The following TTN variants were observed in gnomAD, a reference collection of about 807,000 sequenced individuals.
The protein encoded by TTN is titin.
Under a neutral mutation model 3,223.0 loss-of-function variants are expected in TTN, and 1,525 were observed. The observed-to-expected ratio is 0.47, with a 90% confidence interval of 0.45 to 0.49. TTN has a LOEUF of 0.49. Ranked by LOEUF, TTN falls within the 20% of genes least tolerant of loss-of-function variation. The pLI is 0.00. For synonymous variants in TTN, 14,094 were observed against 15,161.0 expected (o/e 0.93, Z 5.17); for missense variants, 40,786 against 43,424.0 (o/e 0.94, Z 5.40).
rs1181202109 is a variant in TTN at position 178,711,318 on chromosome 2, T to C, written c.27918A>G (p.Gln9306=). 1 of 1,609,304 alleles carries C rather than the reference T, an allele frequency of 6.2e-7. No individual in the cohort carries two copies. The highest frequency in any genetic ancestry group is 1.1e-5 in the South Asian group (1 of 90,428). The change falls in exon 97 of 363, where the codon CAA becomes CAG. Residue 9306 remains glutamine (Q), a synonymous_variant. Coordinates refer to ENST00000589042, the MANE Select transcript of TTN (RefSeq NM_001267550.2). ...EQKLPPSFSR[Q]LRDVQETVGL... Reference sequence around the variant, plus strand: ...CAACTGTTTCTTGAACATCTCTCAATTGTCGAGAAAATGATGGTGGAAGTT... The same window carrying C: ...CAACTGTTTCTTGAACATCTCTCAACTGTCGAGAAAATGATGGTGGAAGTT...
In TTN at chr2:178,572,311, G is replaced by T; in HGVS notation, c.73821C>A (p.Thr24607=). 6.2e-7 allele frequency: 1 copy of T among 1,611,348 alleles called. No homozygotes were observed. Reference sequence around the variant, plus strand: ...GTTCTGATGCTTTCACAGATTCTGCGGTTTCAGCAGGCAGCCCAATGCCAT... The same window carrying T: ...GTTCTGATGCTTTCACAGATTCTGCTGTTTCAGCAGGCAGCCCAATGCCAT... ...NEYGIGLPAE[T]AESVKASERP... Residue 24607 remains threonine (T), a synonymous_variant, in exon 326 of 363, where the codon ACC becomes ACA. Coordinates refer to ENST00000589042, the MANE Select transcript of TTN (RefSeq NM_001267550.2).
intron 117 of TTN, 36 bp from the exon 118 acceptor site, chr2:178,694,044 T>C (rs373655887): frequency 2.0e-5 from 31 of 1,520,852 alleles, no homozygotes; most frequent in East Asian, 1.4e-4. Context: ...TATTCCTTTT[T>C]TTTAGTACAA....
intron 67 of TTN, 108 bp downstream of exon 67, chr2:178,728,002 A>C: frequency 2.1e-6 from 3 of 1,420,438 alleles, no homozygotes; most frequent in Non-Finnish European, 2.8e-6. Context: ...TATGTATCTA[A>C]AGAACCAGAA....
Position 178,650,750 on chromosome 2 carries a change from C to T in TTN, c.39709+1G>A, listed in dbSNP as rs1576940155. On this transcript the variant is annotated splice_donor_variant, in intron 209 of 362. Coordinates refer to ENST00000589042, the MANE Select transcript of TTN (RefSeq NM_001267550.2). LOFTEE classifies it high-confidence loss of function. The stretch of plus-strand genomic sequence containing the variant: ...TCATTAATCACCGGTCTCACGTGTA[C>T]CTTCTGGGGGAGGAGACTCCGCTCT... 3.7e-6 allele frequency: 6 copies of T among 1,600,552 alleles called. No homozygotes were observed. The highest frequency in any genetic ancestry group is 5.1e-6 in the Non-Finnish European group (6 of 1,173,068).
At chr2:178,725,736 A>T (rs745774633) in intron 70 of TTN, 32 bp downstream of exon 70, 7 of 1,556,640 alleles carry the variant, frequency 4.5e-6, no homozygotes, top group Non-Finnish European at 6.1e-6. Context: ...CACATTTATG[A>T]CATTTCTGCC....
chr2:178,790,979 C>A, intron 10 of TTN, 134 bp from the exon 11 acceptor site: 1 of 1,118,194 alleles, frequency 8.9e-7, no homozygotes, highest in South Asian at 1.4e-5. Flanking sequence ...ATTTCAGGGG[C>A]CTACACTTGT....
Position 178,731,114 on chromosome 2 carries a change from C to T in TTN, c.17551G>A (p.Glu5851Lys), listed in dbSNP as rs878877605. ...TCTTTAAACCATTTGGCTGTAATCT[C>T]CTTAGTCCCTGAAAATTTAACCTGC... ...TLQVKFSGTK[E>K]ITAKWFKDGQ... Residue 5851 changes from glutamate (E) to lysine (K), a missense_variant, in exon 60 of 363, where the codon GAG becomes AAG. Glu to Lys is a moderately conservative substitution (Grantham distance 56). Coordinates refer to ENST00000589042, the MANE Select transcript of TTN (RefSeq NM_001267550.2). The T allele has an allele frequency of 5.6e-6, 9 of 1,613,564 alleles. No individual in the cohort carries two copies. The African/African-American group carries it at 1.2e-4, about 22-fold the overall frequency.
In TTN at chr2:178,548,803, G is replaced by C; in HGVS notation, c.92823C>G (p.Ala30941=). Residue 30941 remains alanine, a synonymous_variant, in exon 339 of 363, where the codon GCC becomes GCG. Transcript: ENST00000589042. The surrounding 1 kb of genome is among the most constrained non-coding windows in gnomAD (Gnocchi z 4.3). ...GGTAGGCAATGAAGAGGCGAATACT[G>C]GCCCCAGCTCTAACAACATGAGTCT... ...FKQTHVVRAG[A]SIRLFIAYQG... 2.5e-6 allele frequency: 4 copies of C among 1,612,698 alleles called. No individual in the cohort carries two copies. The highest frequency in any genetic ancestry group is 3.4e-6 in the Non-Finnish European group (4 of 1,179,780).
In TTN at chr2:178,735,610, C is replaced by T. The variant is rs2081307227; in HGVS notation, c.14836G>A (p.Glu4946Lys). 3 of 1,613,568 alleles carry T rather than the reference C, an allele frequency of 1.9e-6. No individual in the cohort carries two copies. The highest frequency in any genetic ancestry group is 8.5e-7 in the Non-Finnish European group (1 of 1,179,722). Residue 4946 changes from glutamate (E) to lysine (K), a missense_variant, in exon 50 of 363, where the codon GAG becomes AAG. Transcript: ENST00000589042. Reference sequence around the variant, plus strand: ...TCTTTCAGTTTGGCCAAAGGAATCTCAAGTGTTGCTATTTTATCTTCAAAA... The same window carrying T: ...TCTTTCAGTTTGGCCAAAGGAATCTTAAGTGTTGCTATTTTATCTTCAAAA... ...ICFEDKIATL[E>K]IPLAKLKDSG...
chr2:178,713,815 AT>A, intron 92 of TTN, 81 bp downstream of exon 92: 1 of 1,500,656 alleles, frequency 6.7e-7, no homozygotes, highest in Non-Finnish European at 8.9e-7. Context: ...CCTATAGAAG[AT>A]GTAACAACCC....
In TTN at chr2:178,740,116, G is replaced by A. The variant is rs1064793411; in HGVS notation, c.13117C>T (p.Gln4373Ter). 1.9e-6 allele frequency: 3 copies of A among 1,613,818 alleles called. No individual in the cohort carries two copies. Among genetic ancestry groups the A allele is most frequent in the Non-Finnish European group, 2.5e-6 (3 of 1,179,816 alleles). The change falls in exon 48 of 363, where the codon CAG (glutamine) becomes TAG (stop). Residue 4373 changes from glutamine to a stop codon, truncating the protein, a stop_gained. Coordinates refer to ENST00000589042, the MANE Select transcript of TTN (RefSeq NM_001267550.2). LOFTEE classifies it high-confidence loss of function. Reference sequence around the variant, plus strand: ...TCCTTAGAAAGAAGGTCCCTTCCCTGTACCTCCTGCACTTTCTTTATTGCC... The same window carrying A: ...TCCTTAGAAAGAAGGTCCCTTCCCTATACCTCCTGCACTTTCTTTATTGCC... ...PVAIKKVQEV[Q>*]GRDLLSKESL...
At position 178,579,181 on chromosome 2, in the gene TTN, C is replaced by G; in HGVS notation, c.67849G>C (p.Asp22617His). Residue 22617 changes from aspartate (D) to histidine (H), a missense_variant, in exon 320 of 363, where the codon GAT becomes CAT. By Grantham distance (81) the Asp-to-His change is moderately conservative (BLOSUM62 -1). Coordinates refer to ENST00000589042, the MANE Select transcript of TTN (RefSeq NM_001267550.2). ...AGTGTGATTGTGTATTTTCCAGCAT[C>G]AGATTTTTGGCAATCGTACACTATA... is the stretch of plus-strand genomic sequence containing the variant. ...TLIVYDCQKS[D>H]AGKYTITLKN... 1 of 1,613,482 alleles carries G rather than the reference C, an allele frequency of 6.2e-7. No homozygotes were observed. Among genetic ancestry groups the G allele is most frequent in the Non-Finnish European group, 8.5e-7 (1 of 1,179,588 alleles).
At chr2:178,792,231 C>A (rs761732092) in intron 9 of TTN, 34 bp from the exon 10 acceptor site, 15 of 1,583,932 alleles carry the variant, frequency 9.5e-6, no homozygotes, top group Non-Finnish European at 1.2e-5. Flanking sequence ...AACTTTATTT[C>A]CTGATGCCCA....
At chr2:178,751,235 T>C in intron 47 of TTN, 5 of 1,609,054 alleles carry the variant, frequency 3.1e-6, no homozygotes, top group Non-Finnish European at 4.2e-6. Flanking sequence ...AGAAGACGTA[T>C]CTAAAAGAGA....
At chr2:178,682,240 G>A (rs772266389) in intron 135 of TTN, among the ~76,000 whole-genome samples, 42 of 152,006 alleles carry the variant, frequency 2.8e-4, no homozygotes, top group Non-Finnish European at 4.6e-4. Flanking sequence ...AACTTTTGAA[G>A]CAGTCATTGT....
At chr2:178,672,913 G>GT (rs953311666) in intron 152 of TTN, among the ~76,000 whole-genome samples, 2 of 151,724 alleles carry the variant, frequency 1.3e-5, no homozygotes, top group African/African-American at 4.8e-5. Flanking sequence ...TGTCCACAAA[G>GT]TACCTGTGCC....
intron 185 of TTN, 24 bp from the exon 186 acceptor site, chr2:178,658,181 T>C: frequency 1.3e-6 from 2 of 1,534,718 alleles, no homozygotes; most frequent in Non-Finnish European, 1.7e-6. Context: ...AGTAGTTTTA[T>C]ACTTAGGTTA....
In TTN at chr2:178,633,824, C is replaced by T. The variant is rs375263054; in HGVS notation, c.42675G>A (p.Lys14225=). The T allele has an allele frequency of 6.8e-6, 11 of 1,612,958 alleles. No homozygotes were observed. The East Asian group carries it at 1.1e-4, about 16-fold the overall frequency. ...VKELSSTAQL[K]VLEADPYFTV... Reference sequence around the variant, plus strand: ...ATACTTGGTTACATTTACCTAAGACCTTCAGCTGTGCTGTGGAGCTCAGCT... The same window carrying T: ...ATACTTGGTTACATTTACCTAAGACTTTCAGCTGTGCTGTGGAGCTCAGCT... The change falls in exon 231 of 363, where the codon AAG becomes AAA. Residue 14225 remains lysine, a synonymous_variant. Coordinates refer to ENST00000589042, the MANE Select transcript of TTN (RefSeq NM_001267550.2).
At position 178,723,091 on chromosome 2, in the gene TTN, T is replaced by A. The variant is rs773636793; in HGVS notation, c.21916A>T (p.Asn7306Tyr). Residue 7306 changes from asparagine to tyrosine, a missense_variant, in exon 75 of 363, where the codon AAT becomes TAT. Coordinates refer to ENST00000589042, the MANE Select transcript of TTN (RefSeq NM_001267550.2). ...DAGQYSCEIE[N>Y]EAGRDVCGAL... is the part of the protein sequence containing the mutation. Reference sequence around the variant, plus strand: ...CCACAAACATCCCTTCCTGCCTCATTTTCAATCTCGCAGGAATACTGCCCT... The same window carrying A: ...CCACAAACATCCCTTCCTGCCTCATATTCAATCTCGCAGGAATACTGCCCT... 5 of 1,613,512 alleles carry A rather than the reference T, an allele frequency of 3.1e-6. No individual in the cohort carries two copies. The African/African-American group carries it at 6.7e-5, about 22-fold the overall frequency.
Sources: gnomAD v4.1 joint callset for allele counts (sites outside exome capture counted in the v4.1 genomes callset) on GRCh38, gnomAD v4.1.1 for gene constraint, Gnocchi (gnomAD v3.1) non-coding constraint, MANE v1.5 for transcripts, NCBI Gene and HGNC (gene_info 2026-07-23, HGNC 2026-07-21) for gene names.